WDR17: variants seen among roughly 807,000 people sequenced by gnomAD.
WDR17 encodes WD repeat-containing protein 17.
In WDR17, 143 loss-of-function variants were observed where a neutral mutation model predicts 161.7. That is an observed-to-expected ratio of 0.88 (90% CI 0.77 to 1.02). WDR17 has a LOEUF of 1.02. Among genes scored for constraint, WDR17 ranks in the 50% least tolerant of loss-of-function variants. WDR17 has a pLI of 0.00. For synonymous variants in WDR17, 517 were observed against 515.6 expected, an observed-to-expected ratio of 1.00 and a Z score of -0.04; for missense variants, 1,469 against 1,520.9, an observed-to-expected ratio of 0.97 and a Z score of 0.57.
intron 1 of WDR17, among the ~76,000 whole-genome samples, chr4:176,101,654 C>T (rs1044958407): frequency 6.6e-6 from 1 of 152,000 alleles, no homozygotes; most frequent in African/African-American, 2.4e-5. Context: ...AAAAAGACAG[C>T]CATGGTATCT....
intron 26 of WDR17, among the ~76,000 whole-genome samples, chr4:176,175,534 TTTTA>T (rs1403741964): frequency 2.3e-4 from 19 of 84,058 alleles, no homozygotes; most frequent in African/African-American, 5.9e-4. Context: ...TTAAGCAGTC[TTTTA>T]TTTGTTTGTT....
chr4:176,172,768 G>T (rs1400394092), intron 24 of WDR17, among the ~76,000 whole-genome samples: 3 of 152,072 alleles, frequency 2.0e-5, no homozygotes, highest in African/African-American at 7.2e-5. Flanking sequence ...TGCAGGAGCA[G>T]GCATATCACT....
intron 7 of WDR17, among the ~76,000 whole-genome samples, chr4:176,132,686 T>C (rs1237000247): frequency 6.6e-6 from 1 of 152,036 alleles, no homozygotes; most frequent in Non-Finnish European, 1.5e-5. Context: ...TTTGTAGATA[T>C]TCATTTGAAG....
chr4:176,130,491 T>C (rs1245254971), intron 6 of WDR17, among the ~76,000 whole-genome samples: 3 of 152,146 alleles, frequency 2.0e-5, no homozygotes, highest in Non-Finnish European at 2.9e-5. Context: ...ATGCCTGTAA[T>C]CCCAGCACTT....
chr4:176,103,578 A>G (rs1738176081), intron 1 of WDR17, among the ~76,000 whole-genome samples: 1 of 152,248 alleles, frequency 6.6e-6, no homozygotes, highest in African/African-American at 2.4e-5. Context: ...TGAACAAAAT[A>G]GAAATAATAG....
chr4:176,151,681 CT>C, intron 16 of WDR17, 130 bp from the exon 17 acceptor site: 10 of 792,542 alleles, frequency 1.3e-5, no homozygotes, highest in South Asian at 2.3e-5. Context: ...AAGCATTTAT[CT>C]TTTTTTGTGT....
intron 28 of WDR17, among the ~76,000 whole-genome samples, chr4:176,178,923 T>C (rs1287200967): frequency 1.3e-5 from 2 of 152,180 alleles, no homozygotes; most frequent in Non-Finnish European, 2.9e-5. Flanking sequence ...GCATATATCA[T>C]AACTGATGCA....
chr4:176,102,010 A>G (rs576304753), intron 1 of WDR17, among the ~76,000 whole-genome samples: 1 of 152,328 alleles, frequency 6.6e-6, no homozygotes, highest in Admixed American at 6.5e-5. Flanking sequence ...TATGAAAAAT[A>G]ATTGATAAGC....
intron 1 of WDR17, among the ~76,000 whole-genome samples, chr4:176,069,133 G>A (rs1732899338): frequency 6.6e-6 from 1 of 151,926 alleles, no homozygotes; most frequent in African/African-American, 2.4e-5. Flanking sequence ...TAATTTCAGT[G>A]ACTAGTCAAA....
chr4:176,156,068 T>C lies in WDR17; in HGVS notation c.2461-11T>C. On this transcript the variant is annotated splice_polypyrimidine_tract_variant and intron_variant, in intron 17 of 28. Transcript: ENST00000508596. ...TTAATATGCTCCTGCCCTTTTTGCC[T>C]TCTATTGTAGTGGGACAAAGCCCTG... The C allele has an allele frequency of 6.2e-7, 1 of 1,612,842 alleles. No individual in the cohort carries two copies. Among genetic ancestry groups the C allele is most frequent in the Non-Finnish European group, 8.5e-7 (1 of 1,179,492 alleles).
At chr4:176,072,301 G>C (rs543416504) in intron 1 of WDR17, among the ~76,000 whole-genome samples, 29 of 152,270 alleles carry the variant, frequency 1.9e-4, no homozygotes, top group African/African-American at 6.7e-4. Context: ...CATCTTTATA[G>C]ACATTGAACT....
intron 6 of WDR17, among the ~76,000 whole-genome samples, 153 bp from the exon 7 acceptor site, chr4:176,131,401 G>A (rs1743425306): frequency 6.6e-6 from 1 of 151,178 alleles, no homozygotes; most frequent in African/African-American, 2.4e-5. Flanking sequence ...ACATTTTTTG[G>A]CAATCCCAAA....
At chr4:176,135,364 C>T (rs780062968) in intron 8 of WDR17, 88 bp downstream of exon 8, 2 of 1,421,810 alleles carry the variant, frequency 1.4e-6, no homozygotes, top group Non-Finnish European at 2.0e-6. Flanking sequence ...TCCTCTTGAT[C>T]TCATCTTGTT....
chr4:176,088,300 A>T (rs190378915), intron 1 of WDR17, among the ~76,000 whole-genome samples: 1 of 152,300 alleles, frequency 6.6e-6, no homozygotes, highest in East Asian at 1.9e-4. Flanking sequence ...CTTCAAACTC[A>T]GCCAGGAGGG....
At chr4:176,098,843 G>A (rs1737332790) in intron 1 of WDR17, among the ~76,000 whole-genome samples, 1 of 150,756 alleles carries the variant, frequency 6.6e-6, no homozygotes, top group Admixed American at 6.6e-5. Context: ...ATTTTATTTT[G>A]TCCTAATTAT....
rs34343977 is a variant in WDR17 at position 176,170,316 on chromosome 4, CTT to C, written c.3102+1548_3102+1549del. 3.1e-3 allele frequency among the ~76,000 whole-genome samples: 385 copies of C among 125,120 alleles called. 1 individual carries two copies. Among genetic ancestry groups the C allele is most frequent in the African/African-American group, 8.5e-3 (285 of 33,366 alleles). 82.1% of individuals were successfully genotyped at this position (125,120 alleles called of 152,430 possible). A position where few individuals can be genotyped will look rare whatever the true frequency, so the allele number is the denominator to read the frequency against. ...TCAAATCAATTATTTTTTCTTTTTT[CTT>C]TTTTTTTTTTTTTTGACATGGAATT... On this transcript the variant is annotated intron_variant, in intron 23 of 28. Transcript: ENST00000508596.
At chr4:176,137,355 T>G (rs573674459) in intron 8 of WDR17, among the ~76,000 whole-genome samples, 165 bp from the exon 9 acceptor site, 1 of 151,740 alleles carries the variant, frequency 6.6e-6, no homozygotes, top group East Asian at 1.9e-4. Flanking sequence ...ATACATTAAC[T>G]TTATTATTTT....
At chr4:176,100,210 G>A (rs538644847) in intron 1 of WDR17, among the ~76,000 whole-genome samples, 83 of 152,186 alleles carry the variant, frequency 5.5e-4, no homozygotes, top group African/African-American at 1.9e-3. Context: ...AACAGTGTAT[G>A]AATTCTCTTT....
At position 176,177,679 on chromosome 4, in the gene WDR17, A is replaced by G. The variant is rs951579751; in HGVS notation, c.3732+25A>G. On this transcript the variant is annotated intron_variant, in intron 28 of 28. Transcript: ENST00000508596. ...GGTAAAGCCTAACATCAGACATAAC[A>G]TGTGTATTTCACCATTTTACATGTT... The G allele has an allele frequency of 2.8e-6, 4 of 1,436,644 alleles. No individual in the cohort carries two copies. The highest frequency in any genetic ancestry group is 1.4e-5 in the South Asian group (1 of 69,132). The allele number at this position is 1,436,644 out of a possible 1,614,324, so 89.0% of individuals were successfully genotyped here.
Sources: gnomAD v4.1 joint callset for allele counts (sites outside exome capture counted in the v4.1 genomes callset) on GRCh38, gnomAD v4.1.1 for gene constraint, MANE v1.5 for transcripts, NCBI Gene and HGNC (gene_info 2026-07-23, HGNC 2026-07-21) for gene names.